Variants in OSBPL8 observed in about 807,000 individuals in gnomAD.
OSBPL8 encodes oxysterol-binding protein-related protein 8.
Under a neutral mutation model 125.5 loss-of-function variants are expected in OSBPL8, and 59 were observed. That is an observed-to-expected ratio of 0.47 (90% CI 0.38 to 0.58). OSBPL8 has a LOEUF of 0.58. Among genes scored for constraint, OSBPL8 ranks in the 20% least tolerant of loss-of-function variants. The pLI is 0.00. For missense variants in OSBPL8, 758 were observed against 1,047.8 expected (o/e 0.72, Z 3.82); for synonymous variants, 330 against 338.9 (o/e 0.97, Z 0.29).
intron 1 of OSBPL8, among the ~76,000 whole-genome samples, chr12:76,513,548 G>A (rs1222888184): frequency 6.6e-6 from 1 of 152,092 alleles, no homozygotes; most frequent in Non-Finnish European, 1.5e-5. Context: ...CTATTATCGT[G>A]CGGGAGTTTA....
At chr12:76,402,656 T>C in intron 6 of OSBPL8, 33 bp downstream of exon 6, 1 of 1,476,922 alleles carries the variant, frequency 6.8e-7, no homozygotes, top group Non-Finnish European at 9.4e-7. Flanking sequence ...AAGCACAATG[T>C]AAATTACCTT....
chr12:76,466,756 C>A (rs561832297), intron 2 of OSBPL8, among the ~76,000 whole-genome samples: 1 of 151,946 alleles, frequency 6.6e-6, no homozygotes, highest in African/African-American at 2.4e-5. Flanking sequence ...GTCAGGAGTT[C>A]GAGAACAGCC....
At chr12:76,465,068 T>C (rs1875238148) in intron 2 of OSBPL8, among the ~76,000 whole-genome samples, 1 of 152,196 alleles carries the variant, frequency 6.6e-6, no homozygotes, top group South Asian at 2.1e-4. Context: ...CTGCAAAATA[T>C]ACTTGTGCAC....
chr12:76,404,020 G>A (rs567077830), intron 5 of OSBPL8, among the ~76,000 whole-genome samples: 40 of 152,318 alleles, frequency 2.6e-4, no homozygotes, highest in Admixed American at 3.9e-4. Flanking sequence ...CTATTAAGGT[G>A]ATGGTATTAA....
intron 18 of OSBPL8, 60 bp from the exon 19 acceptor site, chr12:76,371,644 G>A (rs1436555061): frequency 1.7e-5 from 23 of 1,339,564 alleles, no homozygotes; most frequent in Non-Finnish European, 2.2e-5. Flanking sequence ...CAATTATATA[G>A]TATAGTAATA....
intron 1 of OSBPL8, among the ~76,000 whole-genome samples, chr12:76,549,863 T>C (rs2137490841): frequency 6.6e-6 from 1 of 152,034 alleles, no homozygotes; most frequent in East Asian, 1.9e-4. Flanking sequence ...CTCTCATACA[T>C]ACTTCTTTTT....
intron 2 of OSBPL8, among the ~76,000 whole-genome samples, chr12:76,481,559 A>G (rs1457553568): frequency 6.6e-6 from 1 of 152,046 alleles, no homozygotes; most frequent in Non-Finnish European, 1.5e-5. Flanking sequence ...AAGCCCAGGA[A>G]TTCAAGGCTG....
At chr12:76,423,591 T>C (rs370122105) in intron 4 of OSBPL8, among the ~76,000 whole-genome samples, 2 of 152,150 alleles carry the variant, frequency 1.3e-5, no homozygotes, top group East Asian at 3.8e-4. Context: ...AAGTGACCAG[T>C]ATTGACTCCA....
At chr12:76,555,656 A>C (rs1951072492) in intron 1 of OSBPL8, among the ~76,000 whole-genome samples, 1 of 152,162 alleles carries the variant, frequency 6.6e-6, no homozygotes, top group South Asian at 2.1e-4. Context: ...ACGATCATGG[A>C]TTATTATCCT....
chr12:76,517,800 G>A (rs1380544165), intron 1 of OSBPL8, among the ~76,000 whole-genome samples: 5 of 152,100 alleles, frequency 3.3e-5, no homozygotes, highest in Non-Finnish European at 4.4e-5. Flanking sequence ...AAGAGTAGGA[G>A]CAAGAGAGAG....
chr12:76,358,674 G>T (rs758650349), intron 22 of OSBPL8, 32 bp downstream of exon 22: 2 of 1,499,354 alleles, frequency 1.3e-6, no homozygotes, highest in Non-Finnish European at 1.9e-6. Flanking sequence ...TAAAAAGTTA[G>T]ACTCTCATTA....
chr12:76,536,807 T>C (rs911599296), intron 1 of OSBPL8, among the ~76,000 whole-genome samples: 37 of 121,570 alleles, frequency 3.0e-4, no homozygotes, highest in Non-Finnish European at 4.1e-4. Flanking sequence ...AATCCATATA[T>C]AGGAGTATCA....
intron 1 of OSBPL8, among the ~76,000 whole-genome samples, chr12:76,542,282 T>C (rs968548025): frequency 1.3e-5 from 2 of 152,212 alleles, no homozygotes; most frequent in Admixed American, 6.5e-5. Context: ...AACCAATCCT[T>C]TGACTCTTTC....
chr12:76,404,204 A>G (rs982931354), intron 5 of OSBPL8, among the ~76,000 whole-genome samples: 4 of 152,170 alleles, frequency 2.6e-5, no homozygotes, highest in Non-Finnish European at 1.5e-5. Context: ...CTCAAGCCAA[A>G]CAGGTTTCTG....
chr12:76,395,252 G>T (rs1953742574), intron 8 of OSBPL8, among the ~76,000 whole-genome samples: 2 of 152,070 alleles, frequency 1.3e-5, no homozygotes, highest in Non-Finnish European at 2.9e-5. Flanking sequence ...GAAAGAAAAA[G>T]AAATTCTGTC....
chr12:76,368,350 T>C (rs527513965), intron 21 of OSBPL8, among the ~76,000 whole-genome samples: 1 of 152,316 alleles, frequency 6.6e-6, no homozygotes, highest in African/African-American at 2.4e-5. Context: ...CTCTTTGGCT[T>C]TTGACAGTTT....
intron 12 of OSBPL8, among the ~76,000 whole-genome samples, chr12:76,387,924 A>G (rs1953387004): frequency 6.6e-6 from 1 of 152,170 alleles, no homozygotes; most frequent in Admixed American, 6.5e-5. Flanking sequence ...CACTGTTCCT[A>G]CTTACCCTCT....
At chr12:76,378,231 G>C (rs923620983) in intron 16 of OSBPL8, among the ~76,000 whole-genome samples, 3 of 152,102 alleles carry the variant, frequency 2.0e-5, no homozygotes, top group African/African-American at 7.2e-5. Flanking sequence ...AGTCTCTTCT[G>C]ACTAAAGTAC....
At chr12:76,427,826 G>A (rs901557653) in intron 4 of OSBPL8, among the ~76,000 whole-genome samples, 8 of 152,028 alleles carry the variant, frequency 5.3e-5, no homozygotes, top group Admixed American at 5.2e-4. Flanking sequence ...TTATTTAAAA[G>A]TGTTTTTCAG....
Sources: allele counts gnomAD v4.1 joint callset (sites outside exome capture counted in the v4.1 genomes callset), GRCh38; gene constraint gnomAD v4.1.1; transcripts MANE v1.5; gene names NCBI Gene and HGNC (gene_info 2026-07-23, HGNC 2026-07-21).